Variants in HAUS2 observed in about 807,000 individuals in gnomAD.
HAUS2 encodes the protein HAUS augmin like complex subunit 2.
In HAUS2, 20 loss-of-function variants were observed where a neutral mutation model predicts 21.6. The observed-to-expected ratio is 0.93, with a 90% CI of 0.65 to 1.35. The LOEUF is 1.35. HAUS2 is among the 40% of genes most tolerant of loss of function. The probability of loss-of-function intolerance (pLI) is 0.00; values close to 1 mark genes in which losing one functional copy is unlikely to be tolerated. For synonymous variants in HAUS2, 113 were observed against 95.6 expected, an observed-to-expected ratio of 1.18 and a Z score of -1.06; for missense variants, 297 against 280.7, an observed-to-expected ratio of 1.06 and a Z score of -0.42.
chr15:42,559,137 T>C (rs1010463434), intron 2 of HAUS2, among the ~76,000 whole-genome samples: 3 of 135,672 alleles, frequency 2.2e-5, no homozygotes, highest in Non-Finnish European at 4.7e-5. Context: ...CCCTGGACTC[T>C]TTTTTTTTTT....
intron 1 of HAUS2, among the ~76,000 whole-genome samples, chr15:42,557,727 T>C (rs528857232): frequency 3.9e-5 from 6 of 151,938 alleles, no homozygotes; most frequent in African/African-American, 1.2e-4. Flanking sequence ...AAGATGAGAA[T>C]GTGAACATAC....
chr15:42,568,120 A>G lies in HAUS2; in HGVS notation c.*1304A>G, dbSNP rs1253249163. ...GAATGTCACTAAGTATGCAGAAAAG[A>G]GTAACACAGCCAGCCTGACTTATCC... On this transcript the variant is annotated 3_prime_UTR_variant, in exon 6 of 6. Coordinates refer to ENST00000260372, the MANE Select transcript of HAUS2 (RefSeq NM_018097.3). 1 of 152,244 alleles carries G rather than the reference A, an allele frequency of 6.6e-6. No individual in the cohort carries two copies. Among genetic ancestry groups the G allele is most frequent in the Non-Finnish European group, 1.5e-5 (1 of 68,048 alleles). 9.4% of individuals were successfully genotyped at this position (152,244 alleles called of 1,614,324 possible).
At chr15:42,558,829 A>G (rs997103955) in intron 2 of HAUS2, among the ~76,000 whole-genome samples, 30 of 152,048 alleles carry the variant, frequency 2.0e-4, no homozygotes, top group Non-Finnish European at 3.8e-4. Context: ...ATGGTGGCAC[A>G]CACCTGTAGT....
chr15:42,563,513 A>G (rs1438090856), intron 4 of HAUS2, among the ~76,000 whole-genome samples: 1 of 151,954 alleles, frequency 6.6e-6, no homozygotes, highest in African/African-American at 2.4e-5. Context: ...TGGATTCCAG[A>G]TAGGATTACT....
chr15:42,566,156 T>C (rs1411274191), intron 5 of HAUS2, among the ~76,000 whole-genome samples: 1 of 151,082 alleles, frequency 6.6e-6, no homozygotes, highest in Non-Finnish European at 1.5e-5. Context: ...GAGCTGAGAT[T>C]GCGCCACTGC....
intron 3 of HAUS2, among the ~76,000 whole-genome samples, chr15:42,559,760 G>A (rs1348485515): frequency 2.6e-5 from 4 of 152,016 alleles, no homozygotes; most frequent in Non-Finnish European, 4.4e-5. Flanking sequence ...GTTGCCTAGG[G>A]TAGTCCTGAA....
At chr15:42,566,054 T>G (rs2057902538) in intron 5 of HAUS2, among the ~76,000 whole-genome samples, 1 of 151,930 alleles carries the variant, frequency 6.6e-6, no homozygotes, top group Admixed American at 6.6e-5. Flanking sequence ...TACAAAAAAT[T>G]AGCTGGGCGT....
chr15:42,565,432 T>TGTGTGTG (rs71108167), intron 5 of HAUS2, among the ~76,000 whole-genome samples: 11 of 147,436 alleles, frequency 7.5e-5, no homozygotes, highest in South Asian at 2.1e-4. Flanking sequence ...TGTGTGTGTG[T>TGTGTGTG]TTTCTTTTTT....
At chr15:42,555,978 G>A (rs1410526856) in intron 1 of HAUS2, among the ~76,000 whole-genome samples, 1 of 151,944 alleles carries the variant, frequency 6.6e-6, no homozygotes, top group African/African-American at 2.4e-5. Context: ...ACGGAGTTTC[G>A]CTCTGTCACC....
chr15:42,554,314 A>G (rs1302110701), intron 1 of HAUS2, among the ~76,000 whole-genome samples: 1 of 151,906 alleles, frequency 6.6e-6, no homozygotes, highest in Non-Finnish European at 1.5e-5. Flanking sequence ...TAAAATACAT[A>G]TAACATAAAA....
At chr15:42,552,426 G>A (rs2141590955) in intron 1 of HAUS2, among the ~76,000 whole-genome samples, 1 of 152,166 alleles carries the variant, frequency 6.6e-6, no homozygotes, top group Admixed American at 6.5e-5. Context: ...ATCATTTTTT[G>A]TGCATTAAAA....
chr15:42,550,993 TTTTC>T (rs1291954397), intron 1 of HAUS2, among the ~76,000 whole-genome samples: 2 of 95,684 alleles, frequency 2.1e-5, no homozygotes, highest in Admixed American at 1.0e-4. Flanking sequence ...TTTTCTTTTC[TTTTC>T]TTTTTTTTTT....
rs1350898743 is a variant in HAUS2, at chr15:42,566,800, C to T, written c.692C>T (p.Thr231Ile). 2.7e-6 allele frequency: 4 copies of T among 1,494,484 alleles called. No individual in the cohort carries two copies. The East Asian group carries it at 9.0e-5, about 34-fold the overall frequency. 92.6% of individuals were successfully genotyped at this position (1,494,484 alleles called of 1,614,324 possible). Residue 231 changes from threonine to isoleucine, a missense_variant, in exon 6 of 6, where the codon ACT (threonine) becomes ATT (isoleucine). Coordinates refer to ENST00000260372, the MANE Select transcript of HAUS2 (RefSeq NM_018097.3). ...LPFTSKVHVQ[T>I]INAK ...TTTACTTCTAAAGTTCATGTCCAAA[C>T]TATTAATGCCAAGTAGTCATCAACT... is the stretch of plus-strand genomic sequence containing the variant.
In HAUS2 at chr15:42,567,212, T is replaced by C; in HGVS notation, c.*396T>C. 1 of 171,050 alleles carries C rather than the reference T, an allele frequency of 5.8e-6. No homozygotes were observed. The highest frequency in any genetic ancestry group is 1.2e-5 in the Non-Finnish European group (1 of 80,812). The allele number at this position is 171,050 out of a possible 1,614,324, so 10.6% of individuals were successfully genotyped here. A position where few individuals can be genotyped will look rare whatever the true frequency, so the allele number is the denominator to read the frequency against. ...CCCAGGAGTTCAAGACCAGCCTGGG[T>C]AACATGGTGAAATCCCATATCTACA... On this transcript the variant is annotated 3_prime_UTR_variant, in exon 6 of 6. Transcript: ENST00000260372.
intron 1 of HAUS2, among the ~76,000 whole-genome samples, chr15:42,552,851 C>T (rs2057738795): frequency 6.6e-6 from 1 of 152,176 alleles, no homozygotes; most frequent in South Asian, 2.1e-4. Context: ...CTCTTAAATT[C>T]TCTGCTATAC....
At position 42,566,923 on chromosome 15, in the gene HAUS2, C is replaced by T. The variant is rs1367353121; in HGVS notation, c.*107C>T. ...TTTGCTGCTGGTAATACTGAAAGAACCTGCTTTATATTGGAGTATCAAGAT... is the reference window on the plus strand; with the variant it reads ...TTTGCTGCTGGTAATACTGAAAGAATCTGCTTTATATTGGAGTATCAAGAT... On this transcript the variant is annotated 3_prime_UTR_variant, in exon 6 of 6. Transcript: ENST00000260372. 11 of 617,470 alleles carry T rather than the reference C, an allele frequency of 1.8e-5. No individual in the cohort carries two copies. Among genetic ancestry groups the T allele is most frequent in the South Asian group, 4.0e-5 (2 of 50,156 alleles). 38.2% of individuals were successfully genotyped at this position (617,470 alleles called of 1,614,324 possible). A position where few individuals can be genotyped will look rare whatever the true frequency, so the allele number is the denominator to read the frequency against.
chr15:42,565,397 G>GTT (rs1204567981), intron 5 of HAUS2, among the ~76,000 whole-genome samples: 1 of 101,304 alleles, frequency 9.9e-6, no homozygotes, highest in Non-Finnish European at 1.8e-5. Context: ...ATGTGTGTGT[G>GTT]TGTGTGTGTG....
chr15:42,552,797 G>A (rs2057738409), intron 1 of HAUS2, among the ~76,000 whole-genome samples: 1 of 151,978 alleles, frequency 6.6e-6, no homozygotes, highest in African/African-American at 2.4e-5. Context: ...CTTAACTTGT[G>A]TCCTACTCTC....
At chr15:42,555,825 A>T (rs777436046) in intron 1 of HAUS2, among the ~76,000 whole-genome samples, 1 of 152,220 alleles carries the variant, frequency 6.6e-6, no homozygotes, top group Non-Finnish European at 1.5e-5. Flanking sequence ...TGTGGGCCAT[A>T]TGGTTGCAGC....
Sources: allele counts gnomAD v4.1 joint callset (sites outside exome capture counted in the v4.1 genomes callset), GRCh38; gene constraint gnomAD v4.1.1; transcripts MANE v1.5; gene names NCBI Gene and HGNC (gene_info 2026-07-23, HGNC 2026-07-21).